Variants in PBX1 observed in about 807,000 individuals in gnomAD.
PBX1 encodes the protein PBX homeobox 1.
A neutral mutation model predicts 53.4 loss-of-function variants in PBX1; 6 were observed. The ratio of observed to expected loss-of-function variants is 0.11; its 90% CI spans 0.06 to 0.22. The LOEUF (loss-of-function observed/expected upper bound fraction) is 0.22, where lower values mean the gene tolerates loss of function less well. Among genes scored for constraint, PBX1 ranks in the 10% least tolerant of loss-of-function variants. The pLI is 1.00. For synonymous variants in PBX1, 204 were observed against 212.3 expected, an observed-to-expected ratio of 0.96 and a Z score of 0.34; for missense variants, 251 against 551.4, an observed-to-expected ratio of 0.46 and a Z score of 5.46.
Position 164,872,252 on chromosome 1 carries a change from G to A in PBX1, n.258-26936G>A, listed in dbSNP as rs1166242336. On this transcript the variant is annotated intron_variant and non_coding_transcript_variant, in intron 2 of 2. Coordinates refer to the PBX1 transcript ENST00000558796. ...TGGCCCCGACCATTCCAGTGGTGGG[G>A]AGTTCACTCCCTCTCCATGTGCGGA... Among the ~76,000 whole-genome samples, 3 of 152,176 alleles carry A rather than the reference G, an allele frequency of 2.0e-5. No individual in the cohort carries two copies. In the East Asian group the frequency reaches 5.8e-4, roughly 29 times the overall value.
intron 2 of PBX1, among the ~76,000 whole-genome samples, chr1:164,568,273 A>G (rs570433960): frequency 6.6e-6 from 1 of 152,244 alleles, no homozygotes; most frequent in African/African-American, 2.4e-5. Context: ...TCTCTTTTAG[A>G]TGGATGATAC....
intron 2 of PBX1, among the ~76,000 whole-genome samples, chr1:164,692,269 G>GT (rs2102026119): frequency 6.6e-6 from 1 of 152,338 alleles, no homozygotes; most frequent in African/African-American, 2.4e-5. Flanking sequence ...GAGGGTAAGT[G>GT]TAAGTGAGGA....
intron 2 of PBX1, among the ~76,000 whole-genome samples, chr1:164,762,690 T>G (rs1289927707): frequency 6.6e-6 from 1 of 152,214 alleles, no homozygotes; most frequent in African/African-American, 2.4e-5. Context: ...TTAGAAATGC[T>G]ATTATTCCAT....
At chr1:164,689,007 GC>G (rs1419752109) in intron 2 of PBX1, among the ~76,000 whole-genome samples, 1 of 152,250 alleles carries the variant, frequency 6.6e-6, no homozygotes, top group Non-Finnish European at 1.5e-5. Flanking sequence ...TCCCCTTGGT[GC>G]CGCAGGCCAC....
intron 8 of PBX1, chr1:164,828,753 G>A (rs1670599934): frequency 6.6e-6 from 1 of 152,052 alleles, no homozygotes; most frequent in East Asian, 1.9e-4. Context: ...AATTAAATAA[G>A]GCAAATTAAT....
chr1:164,658,492 T>A (rs1356155036), intron 2 of PBX1, among the ~76,000 whole-genome samples: 2 of 152,216 alleles, frequency 1.3e-5, no homozygotes, highest in Admixed American at 6.5e-5. Flanking sequence ...GCTGTGACAT[T>A]TCCTCAGCAT....
intron 2 of PBX1, among the ~76,000 whole-genome samples, chr1:164,653,466 T>C (rs1243748880): frequency 1.3e-5 from 2 of 152,020 alleles, no homozygotes; most frequent in African/African-American, 2.4e-5. Flanking sequence ...AGGGCCGTGG[T>C]GCTGGGCAAG....
chr1:164,612,417 GT>G (rs2101829486), intron 2 of PBX1, among the ~76,000 whole-genome samples: 1 of 152,252 alleles, frequency 6.6e-6, no homozygotes, highest in East Asian at 1.9e-4. Flanking sequence ...ATGTGACCAA[GT>G]TTGTCTTCTA....
chr1:164,792,100 C>T (rs1432699643), intron 2 of PBX1, among the ~76,000 whole-genome samples: 1 of 152,102 alleles, frequency 6.6e-6, no homozygotes, highest in South Asian at 2.1e-4. Context: ...GCCGAATTTA[C>T]CATTTTAAAC....
chr1:164,590,795 T>TAAAAAA (rs909410063), intron 2 of PBX1, among the ~76,000 whole-genome samples: 6 of 149,708 alleles, frequency 4.0e-5, no homozygotes. Flanking sequence ...TTCAGGATAT[T>TAAAAAA]AAAAAAAAAA....
chr1:164,639,183 A>T (rs573881937), intron 2 of PBX1, among the ~76,000 whole-genome samples: 2 of 152,212 alleles, frequency 1.3e-5, no homozygotes, highest in South Asian at 4.1e-4. Flanking sequence ...TCTTTTTGGC[A>T]TGCAGCAAGT....
intron 2 of PBX1, among the ~76,000 whole-genome samples, chr1:164,568,096 G>A (rs1249929987): frequency 1.3e-5 from 2 of 152,090 alleles, no homozygotes; most frequent in Admixed American, 6.5e-5. Context: ...TTTTGTTGTG[G>A]TTGTTGGCAA....
At chr1:164,835,529 T>G (rs2102400188) in intron 8 of PBX1, among the ~76,000 whole-genome samples, 1 of 152,318 alleles carries the variant, frequency 6.6e-6, no homozygotes. Flanking sequence ...TGGCATCTCG[T>G]TTTTATTTTA....
chr1:164,851,849 A>G, downstream of PBX1: 1 of 168,374 alleles, frequency 5.9e-6, no homozygotes, highest in East Asian at 1.2e-4. Context: ...TTTTGTGCAC[A>G]TTTCTTTTCT....
chr1:164,661,830 T>C (rs1159144662), intron 2 of PBX1, among the ~76,000 whole-genome samples: 1 of 152,202 alleles, frequency 6.6e-6, no homozygotes, highest in Non-Finnish European at 1.5e-5. Flanking sequence ...AAAGTAGTGC[T>C]AGCTTTTTAA....
At chr1:164,733,525 C>G (rs1665110401) in intron 2 of PBX1, among the ~76,000 whole-genome samples, 1 of 152,022 alleles carries the variant, frequency 6.6e-6, no homozygotes, top group Non-Finnish European at 1.5e-5. Context: ...AAAGGAGGCC[C>G]AAAGGAGGTT....
intron 2 of PBX1, among the ~76,000 whole-genome samples, chr1:164,875,509 G>A (rs1672482313): frequency 6.6e-6 from 1 of 152,062 alleles, no homozygotes; most frequent in South Asian, 2.1e-4. Context: ...CAGTTGCCTA[G>A]GCTAGTCTCG....
chr1:164,787,932 A>G (rs2102290867), intron 2 of PBX1, among the ~76,000 whole-genome samples: 1 of 152,362 alleles, frequency 6.6e-6, no homozygotes, highest in Non-Finnish European at 1.5e-5. Flanking sequence ...TGCAGATTGC[A>G]TATCCACTGC....
intron 2 of PBX1, chr1:164,684,145 G>A (rs375885260): frequency 7.9e-5 from 12 of 152,090 alleles, no homozygotes; most frequent in East Asian, 7.7e-4. Context: ...TTTCTTTCCT[G>A]TTTATGTACA....
Sources: gnomAD v4.1 joint callset for allele counts (sites outside exome capture counted in the v4.1 genomes callset) on GRCh38, gnomAD v4.1.1 for gene constraint, MANE v1.5 for transcripts, NCBI Gene and HGNC (gene_info 2026-07-23, HGNC 2026-07-21) for gene names.